The following FYCO1 variants were observed in gnomAD, a reference collection of about 807,000 sequenced individuals.
FYCO1 encodes FYVE and coiled-coil domain autophagy adaptor 1, also known as FYVE and coiled-coil domain-containing protein 1.
Under a neutral mutation model 165.1 loss-of-function variants are expected in FYCO1, and 122 were observed. That is an observed-to-expected ratio of 0.74 (90% CI 0.64 to 0.86). The LOEUF is 0.86. Among genes scored for constraint, FYCO1 ranks in the 40% least tolerant of loss-of-function variants. FYCO1 has a pLI of 0.00. For synonymous variants in FYCO1, 648 were observed against 742.5 expected, an observed-to-expected ratio of 0.87 and a Z score of 2.07; for missense variants, 1,702 against 1,810.3, an observed-to-expected ratio of 0.94 and a Z score of 1.09.
rs958778060 is a variant in FYCO1 at position 45,962,584 on chromosome 3, T to C, written c.3270-192A>G. ...TCTCACCCCCACATACAAAGGGGCA[T>C]TCTGGGAGGGAAAGCAGGCTGACCC... On this transcript the variant is annotated intron_variant, in intron 10 of 17. Coordinates refer to ENST00000296137, the MANE Select transcript of FYCO1 (RefSeq NM_024513.4). This position sits in a 1 kb window ranked among gnomAD's most constrained non-coding sequence, Gnocchi z 4.4. Among the ~76,000 whole-genome samples the C allele has an allele frequency of 5.9e-5, 9 of 152,236 alleles. No homozygotes were observed. Among genetic ancestry groups the C allele is most frequent in the Middle Eastern group, 3.4e-3 (1 of 294 alleles).
rs539873407 is a variant in FYCO1, at chr3:45,992,781, C to G, written c.-113+2941G>C. Among the ~76,000 whole-genome samples, 5 of 152,276 alleles carry G rather than the reference C, an allele frequency of 3.3e-5. No homozygotes were observed. The South Asian group carries it at 6.2e-4, about 19-fold the overall frequency. On this transcript the variant is annotated intron_variant, in intron 1 of 17. Transcript: ENST00000296137. ...GCTCCTGACCAAGTCTACAGATACC[C>G]TGGAAAAAGCATCTGGGGCTGCAGA...
Position 45,922,860 on chromosome 3 carries a change from A to T in FYCO1, c.4361+796T>A, listed in dbSNP as rs148655132. 1.3e-3 allele frequency among the ~76,000 whole-genome samples: 192 copies of T among 152,354 alleles called. 1 individual carries two copies. Among genetic ancestry groups the T allele is most frequent in the Middle Eastern group, 0.01 (3 of 294 alleles). ...TGACCGGTAGCCCAGGACCTTGCTCAGAGAGGATGTGGCCAGAAACAGATC... is the reference window on the plus strand; with the variant it reads ...TGACCGGTAGCCCAGGACCTTGCTCTGAGAGGATGTGGCCAGAAACAGATC... On this transcript the variant is annotated intron_variant, in intron 17 of 17. Coordinates refer to ENST00000296137, the MANE Select transcript of FYCO1 (RefSeq NM_024513.4).
intron 5 of FYCO1, among the ~76,000 whole-genome samples, 176 bp from the exon 6 acceptor site, chr3:45,973,407 C>T (rs772734964): frequency 3.3e-5 from 5 of 152,232 alleles, no homozygotes; most frequent in Non-Finnish European, 7.3e-5. Flanking sequence ...AATAAGCTTG[C>T]TCTTCTTCAA....
rs368653849 is a variant in FYCO1 at position 45,924,928 on chromosome 3, T to C, written c.4252-1163A>G. Among the ~76,000 whole-genome samples, 194 of 87,566 alleles carry C rather than the reference T, an allele frequency of 2.2e-3. 1 individual carries two copies. Among genetic ancestry groups the C allele is most frequent in the Middle Eastern group, 0.016 (3 of 192 alleles). The allele number at this position is 87,566 out of a possible 152,430, so 57.4% of individuals were successfully genotyped here. A position where few individuals can be genotyped will look rare whatever the true frequency, so the allele number is the denominator to read the frequency against. On this transcript the variant is annotated intron_variant, in intron 16 of 17. Transcript: ENST00000296137. ...ATGCTAGGCTAGAGCCAACCAACAT[T>C]TAAAAAAAATTTTTTTTTTAAGATG...
At chr3:45,985,949 C>A (rs532526366) in intron 1 of FYCO1, among the ~76,000 whole-genome samples, 1 of 152,244 alleles carries the variant, frequency 6.6e-6, no homozygotes, top group Non-Finnish European at 1.5e-5. Flanking sequence ...GATAGCAAGA[C>A]TAGAGTTGGC....
chr3:45,982,500 A>T (rs1015881801), intron 2 of FYCO1, among the ~76,000 whole-genome samples: 2 of 152,166 alleles, frequency 1.3e-5, no homozygotes, highest in Admixed American at 1.3e-4. Flanking sequence ...AACTTCTAAG[A>T]TAATTCACCT....
At chr3:45,983,050 A>G (rs1288854630) in intron 2 of FYCO1, among the ~76,000 whole-genome samples, 1 of 152,242 alleles carries the variant, frequency 6.6e-6, no homozygotes, top group African/African-American at 2.4e-5. Flanking sequence ...AATCTCTGAT[A>G]TTCTAAGTAA....
Position 45,968,537 on chromosome 3 carries a change from G to A in FYCO1, c.797C>T (p.Ala266Val). The change falls in exon 8 of 18, where the codon GCT becomes GTT. Residue 266 changes from alanine (A) to valine (V), a missense_variant. By Grantham distance (64) the Ala-to-Val change is moderately conservative. Coordinates refer to ENST00000296137, the MANE Select transcript of FYCO1 (RefSeq NM_024513.4). ...CAGTTGCTCCCCTTGCTGGCTGACA[G>A]CTGCCCTCAGCTCCTGGTTCTCTCT... ...LDRENQELRA[A>V]VSQQGEQLQT... 1 of 1,613,974 alleles carries A rather than the reference G, an allele frequency of 6.2e-7. No individual in the cohort carries two copies. Among genetic ancestry groups the A allele is most frequent in the South Asian group, 1.1e-5 (1 of 91,080 alleles).
chr3:45,959,032 G>A (rs1705533609), intron 12 of FYCO1, among the ~76,000 whole-genome samples: 1 of 152,224 alleles, frequency 6.6e-6, no homozygotes, highest in Non-Finnish European at 1.5e-5. Flanking sequence ...GGCACTGCCT[G>A]TGTTCCTCTA....
At chr3:45,984,577 T>G (rs1707222788) in intron 2 of FYCO1, 1 of 570,324 alleles carries the variant, frequency 1.8e-6, no homozygotes, top group Non-Finnish European at 3.1e-6. Context: ...AACACACATG[T>G]GTGCACTAAT....
intron 14 of FYCO1, among the ~76,000 whole-genome samples, chr3:45,948,785 C>T (rs58442576): frequency 0.09 from 13,759 of 152,154 alleles, 2,161 homozygotes; most frequent in African/African-American, 0.32. Context: ...GCTGAATAGA[C>T]GAGAGCTGAA....
chr3:45,927,534 G>A (rs1703380922), intron 16 of FYCO1, among the ~76,000 whole-genome samples: 1 of 152,206 alleles, frequency 6.6e-6, no homozygotes, highest in Non-Finnish European at 1.5e-5. Context: ...AGTGGTGAGG[G>A]AGTAGGACGG....
At chr3:45,974,849 C>T (rs979718626) in intron 5 of FYCO1, among the ~76,000 whole-genome samples, 4 of 152,256 alleles carry the variant, frequency 2.6e-5, no homozygotes, top group South Asian at 2.1e-4. Flanking sequence ...CAGGTGAGGA[C>T]GCAGGCTCAG....
intron 3 of FYCO1, among the ~76,000 whole-genome samples, chr3:45,980,142 G>T (rs548595433): frequency 3.3e-5 from 5 of 152,050 alleles, no homozygotes; most frequent in Admixed American, 2.6e-4. Flanking sequence ...TGAGGTCAGG[G>T]GTCCAAGACC....
At chr3:45,963,982 CCACGTTTTCAGCATTATTTAAATACATG>C (rs1367943447) in intron 10 of FYCO1, among the ~76,000 whole-genome samples, 12 of 152,172 alleles carry the variant, frequency 7.9e-5, no homozygotes, top group African/African-American at 2.9e-4. Context: ...ACAGAGTCGG[CCACGTTTTCAGCATTATTTAAATACATG>C]CTGCTACTAT....
chr3:45,967,972 T>C lies in FYCO1; in HGVS notation c.1362A>G (p.Pro454=). ...CCTTCCCAGACAACTCCTCCTGGAG[T>C]GGGGCCATCTCCTTCACCAGGCGCT... ...SLERLVKEMA[P]LQEELSGKGQ... The change falls in exon 8 of 18, where the codon CCA becomes CCG. Residue 454 remains proline (P), a synonymous_variant. Transcript: ENST00000296137. 1.2e-6 allele frequency: 2 copies of C among 1,614,024 alleles called. No individual in the cohort carries two copies. Among genetic ancestry groups the C allele is most frequent in the Non-Finnish European group, 1.7e-6 (2 of 1,179,992 alleles).
At chr3:45,961,471 G>A (rs71325096) in intron 11 of FYCO1, among the ~76,000 whole-genome samples, 2 of 151,956 alleles carry the variant, frequency 1.3e-5, no homozygotes, top group East Asian at 1.9e-4. Context: ...CCAGCTACTT[G>A]GGTGGCTGAG....
intron 1 of FYCO1, among the ~76,000 whole-genome samples, chr3:45,990,574 G>C (rs902545670): frequency 2.6e-5 from 4 of 152,120 alleles, no homozygotes; most frequent in Non-Finnish European, 2.9e-5. Context: ...CTTTCCACTT[G>C]ACTGTAAACT....
chr3:45,942,523 A>G (rs1704291637), intron 14 of FYCO1, among the ~76,000 whole-genome samples: 1 of 152,180 alleles, frequency 6.6e-6, no homozygotes. Flanking sequence ...GAGCCAGAGA[A>G]GGCAGGCCAG....
Sources: gnomAD v4.1 joint callset for allele counts (sites outside exome capture counted in the v4.1 genomes callset) on GRCh38, gnomAD v4.1.1 for gene constraint, Gnocchi (gnomAD v3.1) non-coding constraint, MANE v1.5 for transcripts, NCBI Gene and HGNC (gene_info 2026-07-23, HGNC 2026-07-21) for gene names.